FNDC3B: variants seen among roughly 807,000 people sequenced by gnomAD.
FNDC3B encodes the protein fibronectin type III domain containing 3B.
Under a neutral mutation model 151.5 loss-of-function variants are expected in FNDC3B, and 12 were observed. The ratio of observed to expected loss-of-function variants is 0.08; its 90% CI spans 0.05 to 0.13. The LOEUF is 0.13. Among genes scored for constraint, FNDC3B ranks in the 10% least tolerant of loss-of-function variants. The pLI is 1.00. For synonymous variants in FNDC3B, 528 were observed against 549.0 expected, an observed-to-expected ratio of 0.96 and a Z score of 0.54; for missense variants, 1,214 against 1,505.3, an observed-to-expected ratio of 0.81 and a Z score of 3.20.
intron 11 of FNDC3B, among the ~76,000 whole-genome samples, chr3:172,322,985 G>T (rs1375877882): frequency 6.6e-6 from 1 of 152,134 alleles, no homozygotes; most frequent in East Asian, 1.9e-4. Flanking sequence ...CGTGTATTCT[G>T]TTCCCTCAGG....
At chr3:172,208,374 A>G (rs1272921205) in intron 3 of FNDC3B, among the ~76,000 whole-genome samples, 2 of 152,164 alleles carry the variant, frequency 1.3e-5, no homozygotes, top group South Asian at 2.1e-4. Flanking sequence ...ATAATAATAC[A>G]TATATTTATT....
At chr3:172,271,442 C>T (rs1729195366) in intron 6 of FNDC3B, among the ~76,000 whole-genome samples, 1 of 152,080 alleles carries the variant, frequency 6.6e-6, no homozygotes, top group Non-Finnish European at 1.5e-5. Context: ...TAAAAAACAT[C>T]TTGAAAAAAT....
intron 25 of FNDC3B, among the ~76,000 whole-genome samples, chr3:172,394,106 TA>T (rs60559371): frequency 0.071 from 1,156 of 16,246 alleles, 11 homozygotes; most frequent in African/African-American, 0.1. Flanking sequence ...AGACTCCTTC[TA>T]AAAAAAAAAA....
intron 7 of FNDC3B, among the ~76,000 whole-genome samples, chr3:172,290,391 G>A (rs1412736048): frequency 6.6e-6 from 1 of 152,062 alleles, no homozygotes; most frequent in Non-Finnish European, 1.5e-5. Flanking sequence ...GGTGCTATGG[G>A]GACTTCACTG....
chr3:172,193,748 T>C (rs1373055062), intron 3 of FNDC3B, among the ~76,000 whole-genome samples: 2 of 152,082 alleles, frequency 1.3e-5, no homozygotes, highest in African/African-American at 4.8e-5. Context: ...AAATGTGCCC[T>C]TGTGAGGAAA....
At position 172,397,741 on chromosome 3, in the gene FNDC3B, C is replaced by T; in HGVS notation, c.*266C>T. 1 of 231,600 alleles carries T rather than the reference C, an allele frequency of 4.3e-6. No individual in the cohort carries two copies. The allele number at this position is 231,600 out of a possible 1,614,324, so 14.3% of individuals were successfully genotyped here. On this transcript the variant is annotated 3_prime_UTR_variant, in exon 26 of 26. Coordinates refer to ENST00000415807, the MANE Select transcript of FNDC3B (RefSeq NM_022763.4). ...CAAAAGCTAGCTTTCTTATGTTTTC[C>T]TTTAAATTTTCAGATTTACCTTCAT...
chr3:172,216,898 C>G (rs924137663), intron 3 of FNDC3B, among the ~76,000 whole-genome samples: 3 of 152,100 alleles, frequency 2.0e-5, no homozygotes, highest in Non-Finnish European at 2.9e-5. Flanking sequence ...AGGTCTTCTA[C>G]CTAACTCTTC....
intron 13 of FNDC3B, among the ~76,000 whole-genome samples, chr3:172,331,509 C>T (rs1428475448): frequency 6.6e-6 from 1 of 152,134 alleles, no homozygotes; most frequent in African/African-American, 2.4e-5. Flanking sequence ...AGGCGCCCGC[C>T]ACCACACCCG....
At chr3:172,107,159 G>T (rs1719695974) in intron 1 of FNDC3B, among the ~76,000 whole-genome samples, 1 of 152,150 alleles carries the variant, frequency 6.6e-6, no homozygotes, top group African/African-American at 2.4e-5. Flanking sequence ...CAAAAGAATA[G>T]AACTAGCTGG....
chr3:172,162,165 G>C (rs1465219783), intron 3 of FNDC3B, among the ~76,000 whole-genome samples: 2 of 152,100 alleles, frequency 1.3e-5, no homozygotes, highest in African/African-American at 2.4e-5. Context: ...TTTTAGTAGA[G>C]ACGGGGCTTC....
chr3:172,351,039 G>T (rs1167688851), intron 21 of FNDC3B, among the ~76,000 whole-genome samples: 1 of 152,192 alleles, frequency 6.6e-6, no homozygotes, highest in African/African-American at 2.4e-5. Context: ...TCTGTATCAA[G>T]TACAGTTGCC....
chr3:172,262,606 T>G (rs1412717864), intron 6 of FNDC3B, among the ~76,000 whole-genome samples: 3 of 152,050 alleles, frequency 2.0e-5, no homozygotes, highest in Non-Finnish European at 4.4e-5. Context: ...TTTTTTTATT[T>G]TTTGTTTTAA....
intron 3 of FNDC3B, among the ~76,000 whole-genome samples, chr3:172,153,384 G>A (rs910382001): frequency 1.3e-5 from 2 of 152,192 alleles, no homozygotes; most frequent in South Asian, 4.1e-4. Flanking sequence ...GCACTTGGGA[G>A]AAACCACAGA....
chr3:172,133,770 A>G lies in FNDC3B; in HGVS notation c.187+224A>G, dbSNP rs1203609345. On this transcript the variant is annotated intron_variant, in intron 3 of 25. Coordinates refer to ENST00000415807, the MANE Select transcript of FNDC3B (RefSeq NM_022763.4). ...TGTATTGGGTATCTGTTGGTTAGTT[A>G]TTGCTAAGTAACAAATTACTCCAAA... 1.3e-5 allele frequency: 7 copies of G among 537,986 alleles called. No individual in the cohort carries two copies. In the African/African-American group the frequency reaches 1.4e-4, roughly 10 times the overall value. The allele number at this position is 537,986 out of a possible 1,614,324, so 33.3% of individuals were successfully genotyped here.
At chr3:172,284,683 A>T (rs1265535450) in intron 6 of FNDC3B, among the ~76,000 whole-genome samples, 1 of 149,816 alleles carries the variant, frequency 6.7e-6, no homozygotes. Context: ...CCTGCTTATT[A>T]TACACAGAGC....
intron 6 of FNDC3B, among the ~76,000 whole-genome samples, chr3:172,275,877 C>T (rs1008091115): frequency 5.3e-5 from 8 of 151,906 alleles, no homozygotes; most frequent in Non-Finnish European, 8.8e-5. Context: ...TGAAATACCA[C>T]CAGATTAAAT....
At chr3:172,215,176 C>T (rs528989156) in intron 3 of FNDC3B, among the ~76,000 whole-genome samples, 7 of 152,304 alleles carry the variant, frequency 4.6e-5, no homozygotes, top group African/African-American at 1.7e-4. Flanking sequence ...TAAAGTGGAA[C>T]ACAAATAAAA....
chr3:172,136,949 T>A (rs946576026), intron 3 of FNDC3B, among the ~76,000 whole-genome samples: 2 of 152,182 alleles, frequency 1.3e-5, no homozygotes, highest in African/African-American at 4.8e-5. Context: ...CTCGATCTCC[T>A]GACCTCAGCC....
chr3:172,112,933 G>T (rs914345944), intron 2 of FNDC3B, among the ~76,000 whole-genome samples: 17 of 152,308 alleles, frequency 1.1e-4, no homozygotes, highest in African/African-American at 4.1e-4. Context: ...CATGCTCAGA[G>T]GGTCAGGTTT....
Sources: gnomAD v4.1 joint callset for allele counts (sites outside exome capture counted in the v4.1 genomes callset) on GRCh38, gnomAD v4.1.1 for gene constraint, MANE v1.5 for transcripts, NCBI Gene and HGNC (gene_info 2026-07-23, HGNC 2026-07-21) for gene names.